Variants in HEATR9 observed in about 807,000 individuals in gnomAD.
HEATR9 encodes the protein protein HEATR9.
Under a neutral mutation model 68.2 loss-of-function variants are expected in HEATR9, and 54 were observed. The observed-to-expected ratio is 0.79, with a 90% CI of 0.64 to 0.99. HEATR9 has a LOEUF of 0.99. Ranked by LOEUF, HEATR9 falls within the 50% of genes least tolerant of loss-of-function variation. The probability of loss-of-function intolerance (pLI) is 0.00; values close to 1 mark genes in which losing one functional copy is unlikely to be tolerated. For synonymous variants in HEATR9, 241 were observed against 253.5 expected, an observed-to-expected ratio of 0.95 and a Z score of 0.47; for missense variants, 662 against 679.7, an observed-to-expected ratio of 0.97 and a Z score of 0.29.
At chr17:35,859,138 CTA>C in intron 8 of HEATR9, 68 bp from the exon 9 acceptor site, 1 of 1,303,550 alleles carries the variant, frequency 7.7e-7, no homozygotes, top group Non-Finnish European at 1.1e-6. Context: ...TGCTTCCAGA[CTA>C]TATTCACCTT....
intron 12 of HEATR9, 38 bp from the exon 13 acceptor site, chr17:35,856,262 A>G (rs758727906): frequency 1.2e-6 from 2 of 1,614,034 alleles, no homozygotes; most frequent in South Asian, 2.2e-5. Flanking sequence ...AGTTGAATTA[A>G]GGAGTAGGGG....
intron 11 of HEATR9, among the ~76,000 whole-genome samples, chr17:35,857,966 G>A (rs1399271764): frequency 6.6e-6 from 1 of 152,114 alleles, no homozygotes; most frequent in Non-Finnish European, 1.5e-5. Context: ...TGGTGCGAGT[G>A]AATAGTATGA....
chr17:35,865,541 C>A, intron 2 of HEATR9, 145 bp from the exon 3 acceptor site: 1 of 606,440 alleles, frequency 1.6e-6, no homozygotes, highest in East Asian at 2.8e-5. Context: ...TCACAGCTAC[C>A]ACCTAACCCC....
chr17:35,862,920 C>T (rs566609794), intron 8 of HEATR9, 75 bp downstream of exon 8: 1 of 1,600,974 alleles, frequency 6.2e-7, no homozygotes, highest in East Asian at 2.2e-5. Flanking sequence ...CCTTCTTCCT[C>T]ACCCAACCCC....
At position 35,856,237 on chromosome 17, in the gene HEATR9, G is replaced by A. The variant is rs375787983; in HGVS notation, c.1227-13C>T. 1 of 1,613,942 alleles carries A rather than the reference G, an allele frequency of 6.2e-7. No homozygotes were observed. The highest frequency in any genetic ancestry group is 8.5e-7 in the Non-Finnish European group (1 of 1,179,990). The stretch of plus-strand genomic sequence containing the variant: ...GTTCATCAGTTGTCTGTGTAGAAGG[G>A]AGTGAGTATGTTATAGTTGAATTAA... On this transcript the variant is annotated splice_polypyrimidine_tract_variant and intron_variant, in intron 12 of 14. Transcript: ENST00000604834.
Position 35,866,716 on chromosome 17 carries a change from G to C in HEATR9, c.138+8C>G, listed in dbSNP as rs1278804120. 1 of 1,613,174 alleles carries C rather than the reference G, an allele frequency of 6.2e-7. No individual in the cohort carries two copies. Among genetic ancestry groups the C allele is most frequent in the Admixed American group, 1.7e-5 (1 of 59,994 alleles). On this transcript the variant is annotated splice_region_variant and intron_variant, in intron 2 of 14. Transcript: ENST00000604834. Reference sequence around the variant, plus strand: ...AGCTCCCAGGGTAGCAAAAGTAAGGGGTCTTACCTGGTAGCAGGACAAGGG... The same window carrying C: ...AGCTCCCAGGGTAGCAAAAGTAAGGCGTCTTACCTGGTAGCAGGACAAGGG...
At chr17:35,861,141 C>G in intron 8 of HEATR9, 1 of 1,456,258 alleles carries the variant, frequency 6.9e-7, no homozygotes, top group Non-Finnish European at 9.6e-7. Flanking sequence ...CCAACTGCTT[C>G]CCTTTGCCTG....
rs748240364 is a variant in HEATR9 at position 35,858,918 on chromosome 17, C to T, written c.909G>A (p.Leu303=). The T allele has an allele frequency of 5.6e-6, 9 of 1,614,122 alleles. No individual in the cohort carries two copies. The highest frequency in any genetic ancestry group is 6.8e-6 in the Non-Finnish European group (8 of 1,180,042). Reference sequence around the variant, plus strand: ...TCCGCTGGGTCTTGAGTCCTTGGCACAGGCACTGCAACAAGAACTCTTGGA... The same window carrying T: ...TCCGCTGGGTCTTGAGTCCTTGGCATAGGCACTGCAACAAGAACTCTTGGA... ...NMVQEFLLQC[L]CQGLKTQRMK... Residue 303 remains leucine (L), a synonymous_variant, in exon 9 of 15, where the codon CTG becomes CTA. Transcript: ENST00000604834.
intron 9 of HEATR9, 82 bp from the exon 10 acceptor site, chr17:35,858,607 A>G (rs2087861707): frequency 1.6e-6 from 2 of 1,287,870 alleles, no homozygotes; most frequent in Non-Finnish European, 1.1e-6. Context: ...CTGAGCCTAG[A>G]ACTGGTGAGG....
rs2087720325 is a variant in HEATR9 at position 35,855,020 on chromosome 17, C to A, written c.*43G>T. The A allele has an allele frequency of 2.0e-6, 3 of 1,478,786 alleles. No homozygotes were observed. The allele number at this position is 1,478,786 out of a possible 1,614,324, so 91.6% of individuals were successfully genotyped here. On this transcript the variant is annotated 3_prime_UTR_variant, in exon 15 of 15. Coordinates refer to ENST00000604834, the MANE Select transcript of HEATR9 (RefSeq NM_152781.4). Reference sequence around the variant, plus strand: ...TGTTTTCTCATGGGAGCCTGAGAAGCATCTTCAGGGAGGGAGTCGGGGAGT... The same window carrying A: ...TGTTTTCTCATGGGAGCCTGAGAAGAATCTTCAGGGAGGGAGTCGGGGAGT...
At chr17:35,863,319 T>C (rs1174723247) in intron 7 of HEATR9, among the ~76,000 whole-genome samples, 183 bp downstream of exon 7, 13 of 152,194 alleles carry the variant, frequency 8.5e-5, no homozygotes, top group Admixed American at 8.5e-4. Context: ...CTCTCCCTCT[T>C]TCTAATCTCT....
At chr17:35,860,916 C>A (rs1314721396) in intron 8 of HEATR9, among the ~76,000 whole-genome samples, 1 of 152,012 alleles carries the variant, frequency 6.6e-6, no homozygotes, top group African/African-American at 2.4e-5. Context: ...CGTGGTGGCA[C>A]ATGCCTGTAA....
intron 2 of HEATR9, among the ~76,000 whole-genome samples, 183 bp downstream of exon 2, chr17:35,866,541 A>G (rs562597368): frequency 2.8e-4 from 42 of 152,198 alleles, no homozygotes; most frequent in Non-Finnish European, 5.1e-4. Context: ...GACAGGGGTT[A>G]GCCTGGGACA....
intron 11 of HEATR9, 147 bp from the exon 12 acceptor site, chr17:35,856,952 G>A (rs78655848): frequency 0.22 from 158,318 of 719,712 alleles, 20,158 homozygotes; most frequent in African/African-American, 0.44. Flanking sequence ...GAAGCAGACA[G>A]GTAAATAGGC....
At chr17:35,856,866 CCT>C in intron 11 of HEATR9, 61 bp from the exon 12 acceptor site, 1 of 1,405,358 alleles carries the variant, frequency 7.1e-7, no homozygotes, top group Admixed American at 1.9e-5. Flanking sequence ...CACTTAAGAG[CCT>C]CTCAAATCTT....
rs2087733148 is a variant in HEATR9 at position 35,855,333 on chromosome 17, T to C, written c.1443A>G (p.Val481=). The change falls in exon 15 of 15, where the codon GTA becomes GTG. Residue 481 remains valine (V), a synonymous_variant. Coordinates refer to ENST00000604834, the MANE Select transcript of HEATR9 (RefSeq NM_152781.4). ...TCACATTGGTCTTAGGTGCCTCATA[T>C]ACAGAGAGAACCTTGTTTTTCAGCT... ...QNKLKNKVLS[V]YEAPKTNVKA... The C allele has an allele frequency of 6.2e-7, 1 of 1,614,194 alleles. No individual in the cohort carries two copies. The highest frequency in any genetic ancestry group is 2.2e-5 in the East Asian group (1 of 44,884).
chr17:35,860,612 G>T (rs1004061008), intron 8 of HEATR9, among the ~76,000 whole-genome samples: 6 of 149,044 alleles, frequency 4.0e-5, no homozygotes, highest in African/African-American at 1.5e-4. Flanking sequence ...GCCTCAGCCT[G>T]CCAAGTAGCT....
intron 8 of HEATR9, chr17:35,861,553 T>G: frequency 1.3e-6 from 1 of 793,220 alleles, no homozygotes; most frequent in Non-Finnish European, 2.2e-6. Context: ...GAAATAACAC[T>G]TCTTGATACG....
rs2087719956 is a variant in HEATR9 at position 35,855,004 on chromosome 17, A to T, written c.*59T>A. On this transcript the variant is annotated 3_prime_UTR_variant, in exon 15 of 15. Transcript: ENST00000604834. ...GAAGATAAGTATAGATTGTTTTCTC[A>T]TGGGAGCCTGAGAAGCATCTTCAGG... is the stretch of plus-strand genomic sequence containing the variant. The T allele has an allele frequency of 7.2e-7, 1 of 1,388,450 alleles. No homozygotes were observed. The highest frequency in any genetic ancestry group is 1.5e-5 in the African/African-American group (1 of 68,840). The allele number at this position is 1,388,450 out of a possible 1,614,324, so 86.0% of individuals were successfully genotyped here.
Sources: gnomAD v4.1 joint callset for allele counts (sites outside exome capture counted in the v4.1 genomes callset) on GRCh38, gnomAD v4.1.1 for gene constraint, MANE v1.5 for transcripts, NCBI Gene and HGNC (gene_info 2026-07-23, HGNC 2026-07-21) for gene names.